Variants in RASA3 observed in about 807,000 individuals in gnomAD.
RASA3 encodes ras GTPase-activating protein 3.
RASA3 carries 73 observed loss-of-function variants against 110.0 expected under a neutral mutation model. The ratio of observed to expected loss-of-function variants is 0.66; its 90% confidence interval spans 0.55 to 0.81. The LOEUF (loss-of-function observed/expected upper bound fraction) is 0.81. Among genes scored for constraint, RASA3 ranks in the 30% least tolerant of loss-of-function variants. The pLI is 0.00. For synonymous variants in RASA3, 500 were observed against 451.4 expected (o/e 1.11, Z -1.37); for missense variants, 976 against 1,113.2 (o/e 0.88, Z 1.75).
chr13:114,069,668 G>T (rs1453545646), intron 2 of RASA3, among the ~76,000 whole-genome samples: 1 of 60,832 alleles, frequency 1.6e-5, no homozygotes, highest in Non-Finnish European at 3.2e-5. Flanking sequence ...CCGGGAAACT[G>T]AGGGGGCCGG....
chr13:113,989,474 T>A (rs1183493017), intron 22 of RASA3, among the ~76,000 whole-genome samples: 3 of 108,920 alleles, frequency 2.8e-5, no homozygotes, highest in Non-Finnish European at 5.5e-5. Context: ...CATCTGTCCA[T>A]CCACCATCAC....
chr13:114,115,687 G>A lies in RASA3; in HGVS notation c.55+16748C>T, dbSNP rs994657319. ...CTGTGTATGTTTTTACCCTACAAAC[G>A]CTCTCTAACCGGTCCAGAGGTCAGA... On this transcript the variant is annotated intron_variant, in intron 1 of 23. Transcript: ENST00000334062. The surrounding 1 kb of genome is among the most constrained non-coding windows in gnomAD (Gnocchi z 5.0). 5.3e-5 allele frequency among the ~76,000 whole-genome samples: 8 copies of A among 152,012 alleles called. No homozygotes were observed. Among genetic ancestry groups the A allele is most frequent in the Admixed American group, 4.6e-4 (7 of 15,266 alleles).
At chr13:113,991,679 G>A (rs543146324) in intron 22 of RASA3, among the ~76,000 whole-genome samples, 18 of 152,282 alleles carry the variant, frequency 1.2e-4, no homozygotes, top group African/African-American at 3.9e-4. Context: ...ATATAGATTT[G>A]AAACACACGG....
At chr13:114,017,976 C>A in intron 11 of RASA3, 128 bp downstream of exon 11, 2 of 1,094,174 alleles carry the variant, frequency 1.8e-6, no homozygotes, top group Non-Finnish European at 2.5e-6. Flanking sequence ...AAACCTGAAT[C>A]AACATGGTTT....
At chr13:114,131,020 A>G (rs2139810983) in intron 1 of RASA3, among the ~76,000 whole-genome samples, 1 of 152,384 alleles carries the variant, frequency 6.6e-6, no homozygotes, top group East Asian at 1.9e-4. Context: ...TATGAAAGTG[A>G]CAGCGGATTT....
At chr13:114,019,715 G>C (rs891899342) in intron 9 of RASA3, among the ~76,000 whole-genome samples, 4 of 150,042 alleles carry the variant, frequency 2.7e-5, no homozygotes, top group Admixed American at 1.3e-4. Context: ...CCCCCGCCAG[G>C]TGGGTGGAGC....
chr13:114,108,378 C>T (rs1351705757), intron 1 of RASA3, among the ~76,000 whole-genome samples: 2 of 145,808 alleles, frequency 1.4e-5, no homozygotes, highest in Non-Finnish European at 3.0e-5. Context: ...GTCCATCACC[C>T]CCATCCGTCA....
intron 1 of RASA3, among the ~76,000 whole-genome samples, chr13:114,120,646 G>T (rs2080364837): frequency 6.6e-6 from 1 of 152,232 alleles, no homozygotes; most frequent in African/African-American, 2.4e-5. Flanking sequence ...CGTTCAAGGG[G>T]TCTGGACCAA....
intron 2 of RASA3, among the ~76,000 whole-genome samples, chr13:114,063,447 G>A (rs1220234576): frequency 6.6e-6 from 1 of 151,100 alleles, no homozygotes; most frequent in Non-Finnish European, 1.5e-5. Flanking sequence ...AACAATAATA[G>A]TAAATATTTA....
chr13:114,111,577 C>G (rs111894773), intron 1 of RASA3, among the ~76,000 whole-genome samples: 42 of 110,998 alleles, frequency 3.8e-4, no homozygotes, highest in African/African-American at 9.4e-4. Flanking sequence ...AGCTGCAGGC[C>G]GAGTTCTAAC....
chr13:114,071,405 G>A lies in RASA3; in HGVS notation c.173+2315C>T, dbSNP rs778909932. Among the ~76,000 whole-genome samples the A allele has an allele frequency of 1.2e-3, 187 of 152,320 alleles. 1 individual carries two copies. The highest frequency in any genetic ancestry group is 3.4e-3 in the Middle Eastern group (1 of 294). ...TTCTCCTCCCACTGGCTCTGATTCA[G>A]CGGGTCTGAGAGGATCCCGGCCTGA... On this transcript the variant is annotated intron_variant, in intron 2 of 23. Coordinates refer to ENST00000334062, the MANE Select transcript of RASA3 (RefSeq NM_007368.4).
Position 114,030,989 on chromosome 13 carries a change from CTG to C in RASA3, c.373-1104_373-1103del, listed in dbSNP as rs1234176083. 3.3e-5 allele frequency among the ~76,000 whole-genome samples: 5 copies of C among 151,254 alleles called. No homozygotes were observed. In the South Asian group the frequency reaches 6.3e-4, roughly 19 times the overall value. ...TCTGCCTGTGTAGCTGTGTGTCCGC[CTG>C]TGTGTGCGGCTGTGTGTCTGCCTGT... On this transcript the variant is annotated intron_variant, in intron 4 of 23. Coordinates refer to ENST00000334062, the MANE Select transcript of RASA3 (RefSeq NM_007368.4).
intron 18 of RASA3, among the ~76,000 whole-genome samples, chr13:114,005,063 A>G (rs2053484725): frequency 6.6e-6 from 1 of 152,200 alleles, no homozygotes; most frequent in Non-Finnish European, 1.5e-5. Flanking sequence ...ATAGGAGATA[A>G]ACACGGAGGG....
Position 114,065,165 on chromosome 13 carries a change from C to T in RASA3, c.173+8555G>A, listed in dbSNP as rs1566543992. ...CTCCTCCTGGAGCCTGGAGCAGGGG[C>T]TCAGCTGGGACCAGCAGAGAAACCC... On this transcript the variant is annotated intron_variant, in intron 2 of 23. Transcript: ENST00000334062. This position sits in a 1 kb window ranked among gnomAD's most constrained non-coding sequence, Gnocchi z 4.1. Among the ~76,000 whole-genome samples the T allele has an allele frequency of 6.6e-6, 1 of 152,242 alleles. No homozygotes were observed. The highest frequency in any genetic ancestry group is 6.5e-5 in the Admixed American group (1 of 15,292).
intron 21 of RASA3, among the ~76,000 whole-genome samples, chr13:113,992,877 A>G (rs958521535): frequency 2.0e-5 from 3 of 152,220 alleles, no homozygotes; most frequent in African/African-American, 7.2e-5. Context: ...ACGTGGCAAA[A>G]GATCCTTGCT....
At chr13:114,015,164 G>A (rs1319308141) in intron 14 of RASA3, 45 bp downstream of exon 14, 6 of 1,610,108 alleles carry the variant, frequency 3.7e-6, no homozygotes, top group Admixed American at 1.7e-5. Context: ...CCTGCACAGC[G>A]CTATGGCAGT....
At chr13:114,020,927 C>T (rs1490553220) in intron 9 of RASA3, among the ~76,000 whole-genome samples, 1 of 152,254 alleles carries the variant, frequency 6.6e-6, no homozygotes, top group East Asian at 1.9e-4. Flanking sequence ...TGCTGATGCC[C>T]TCCCCTACTG....
At chr13:113,980,744 C>A (rs934337444) in intron 23 of RASA3, among the ~76,000 whole-genome samples, 2 of 152,214 alleles carry the variant, frequency 1.3e-5, no homozygotes, top group Admixed American at 1.3e-4. Context: ...CTGAGCAACT[C>A]GGTCCAAGTC....
At chr13:114,062,053 G>A (rs1270785499) in intron 2 of RASA3, among the ~76,000 whole-genome samples, 2 of 152,246 alleles carry the variant, frequency 1.3e-5, no homozygotes, top group Middle Eastern at 6.8e-3. Context: ...TCCACGTCTG[G>A]GGTCTGCAGG....
Sources: gnomAD v4.1 joint callset for allele counts (sites outside exome capture counted in the v4.1 genomes callset) on GRCh38, gnomAD v4.1.1 for gene constraint, Gnocchi (gnomAD v3.1) non-coding constraint, MANE v1.5 for transcripts, NCBI Gene and HGNC (gene_info 2026-07-23, HGNC 2026-07-21) for gene names.